FBXL7: variants seen among roughly 807,000 people sequenced by gnomAD.
FBXL7 encodes F-box/LRR-repeat protein 7.
A neutral mutation model predicts 38.3 loss-of-function variants in FBXL7; 12 were observed. The observed-to-expected ratio is 0.31, with a 90% CI of 0.20 to 0.51. The LOEUF (loss-of-function observed/expected upper bound fraction) is 0.51. FBXL7 is among the 20% of genes least tolerant of loss of function. FBXL7 has a pLI of 0.98. For missense variants in FBXL7, 567 were observed against 676.4 expected (o/e 0.84, Z 1.79); for synonymous variants, 297 against 300.9 (o/e 0.99, Z 0.13).
At chr5:15,673,276 A>G (rs1412565808) in intron 2 of FBXL7, among the ~76,000 whole-genome samples, 5 of 152,216 alleles carry the variant, frequency 3.3e-5, no homozygotes, top group Admixed American at 2.0e-4. Flanking sequence ...AGATCACACT[A>G]CTACACTCCA....
chr5:15,924,018 C>T (rs1741815242), intron 2 of FBXL7, among the ~76,000 whole-genome samples: 1 of 152,070 alleles, frequency 6.6e-6, no homozygotes, highest in Admixed American at 6.6e-5. Flanking sequence ...ATTGTCTTTC[C>T]CTCCTGGCCC....
chr5:15,804,280 C>A (rs963688070), intron 2 of FBXL7, among the ~76,000 whole-genome samples: 1 of 151,970 alleles, frequency 6.6e-6, no homozygotes. Flanking sequence ...CCAGCCTGGA[C>A]AACACAGAGA....
At chr5:15,779,098 A>G (rs918440418) in intron 2 of FBXL7, among the ~76,000 whole-genome samples, 5 of 152,112 alleles carry the variant, frequency 3.3e-5, no homozygotes, top group African/African-American at 1.2e-4. Context: ...AGAGTAGACA[A>G]GCCATGCCAT....
At chr5:15,586,287 CTT>C (rs1561039463) in intron 1 of FBXL7, among the ~76,000 whole-genome samples, 1 of 108,186 alleles carries the variant, frequency 9.2e-6, no homozygotes, top group Non-Finnish European at 1.8e-5. Context: ...CCCTTGTCTT[CTT>C]TCTCTCTCTC....
At chr5:15,631,667 CAAAAAAAAAAAAA>C (rs754975686) in intron 2 of FBXL7, among the ~76,000 whole-genome samples, 7 of 43,892 alleles carry the variant, frequency 1.6e-4, no homozygotes, top group Non-Finnish European at 2.8e-4. Flanking sequence ...AGCGAGACTC[CAAAAAAAAAAAAA>C]AAAAAAAAAA....
intron 2 of FBXL7, among the ~76,000 whole-genome samples, chr5:15,871,815 T>C (rs370082228): frequency 2.6e-5 from 4 of 152,266 alleles, no homozygotes; most frequent in East Asian, 1.9e-4. Flanking sequence ...GTTTGATTGA[T>C]GTACCTGAAA....
At chr5:15,589,999 C>T (rs1241014608) in intron 1 of FBXL7, among the ~76,000 whole-genome samples, 1 of 152,192 alleles carries the variant, frequency 6.6e-6, no homozygotes, top group Non-Finnish European at 1.5e-5. Flanking sequence ...CTTCATTCAC[C>T]ATCCCATGTT....
intron 2 of FBXL7, among the ~76,000 whole-genome samples, chr5:15,645,704 G>C (rs1164302719): frequency 3.3e-5 from 5 of 152,154 alleles, no homozygotes; most frequent in African/African-American, 1.2e-4. Context: ...TGATATGAAA[G>C]CTATTTCATG....
At chr5:15,880,721 T>TTATATATATATATATATATACTATATTA (rs3034531) in intron 2 of FBXL7, among the ~76,000 whole-genome samples, 2 of 143,372 alleles carry the variant, frequency 1.4e-5, no homozygotes, top group African/African-American at 2.5e-5. Context: ...ATATACTATA[T>TTATATATATATATATATATACTATATTA]TATATATATA....
intron 2 of FBXL7, among the ~76,000 whole-genome samples, chr5:15,820,882 C>A (rs926686702): frequency 2.0e-5 from 3 of 152,136 alleles, no homozygotes; most frequent in African/African-American, 7.2e-5. Flanking sequence ...CAAACTCCAC[C>A]CTTGCTCTGG....
At chr5:15,836,710 T>C (rs1215991467) in intron 2 of FBXL7, among the ~76,000 whole-genome samples, 1 of 152,188 alleles carries the variant, frequency 6.6e-6, no homozygotes, top group Non-Finnish European at 1.5e-5. Flanking sequence ...GAATGTGTGA[T>C]GCAGTATGCC....
At chr5:15,716,344 G>C (rs1028789378) in intron 2 of FBXL7, among the ~76,000 whole-genome samples, 1 of 152,180 alleles carries the variant, frequency 6.6e-6, no homozygotes, top group African/African-American at 2.4e-5. Context: ...TATCTGACCC[G>C]TAACATTTGT....
chr5:15,626,713 A>T (rs925157547), intron 2 of FBXL7, among the ~76,000 whole-genome samples: 4 of 152,152 alleles, frequency 2.6e-5, no homozygotes. Flanking sequence ...AAATAATTCT[A>T]TGTTTATTTC....
rs141565174 is a variant in FBXL7, at chr5:15,888,787, G to A, written c.128-39103G>A. Among the ~76,000 whole-genome samples the A allele has an allele frequency of 2.3e-3, 356 of 152,174 alleles. 1 individual carries two copies. The highest frequency in any genetic ancestry group is 3.2e-3 in the Non-Finnish European group (221 of 68,010). ...ATTGGTCTTTTGCCTTCGATCAAGA[G>A]TTTATTAACTAAATCCTGATAATAA... On this transcript the variant is annotated intron_variant, in intron 2 of 3. Transcript: ENST00000504595.
intron 2 of FBXL7, among the ~76,000 whole-genome samples, chr5:15,674,052 A>G (rs1742573588): frequency 6.6e-6 from 1 of 152,220 alleles, no homozygotes; most frequent in Non-Finnish European, 1.5e-5. Flanking sequence ...AGAGCCTTTC[A>G]GGTTAGTTCA....
chr5:15,903,647 G>GTGATGGC (rs1164003355), intron 2 of FBXL7, among the ~76,000 whole-genome samples: 1 of 152,062 alleles, frequency 6.6e-6, no homozygotes, highest in Non-Finnish European at 1.5e-5. Context: ...AACTCAAATT[G>GTGATGGC]TGATGGCTCT....
At chr5:15,890,974 AAATC>A (rs1047813228) in intron 2 of FBXL7, among the ~76,000 whole-genome samples, 23 of 152,170 alleles carry the variant, frequency 1.5e-4, no homozygotes, top group African/African-American at 5.6e-4. Flanking sequence ...AAAAACTTGA[AAATC>A]TATTATCTGT....
chr5:15,829,351 A>C (rs774778407), intron 2 of FBXL7, among the ~76,000 whole-genome samples: 12 of 152,306 alleles, frequency 7.9e-5, no homozygotes, highest in African/African-American at 2.6e-4. Flanking sequence ...TTGTAACTGC[A>C]AAAATACTAT....
chr5:15,917,631 G>C (rs1741619381), intron 2 of FBXL7, among the ~76,000 whole-genome samples: 1 of 121,586 alleles, frequency 8.2e-6, no homozygotes, highest in Non-Finnish European at 1.7e-5. Flanking sequence ...ATGAAAGAAA[G>C]TAAAGGAAGG....
Sources: gnomAD v4.1 joint callset for allele counts (sites outside exome capture counted in the v4.1 genomes callset) on GRCh38, gnomAD v4.1.1 for gene constraint, MANE v1.5 for transcripts, NCBI Gene and HGNC (gene_info 2026-07-23, HGNC 2026-07-21) for gene names.